The following PTPRD variants were observed in gnomAD, a reference collection of about 807,000 sequenced individuals.
The protein encoded by PTPRD is protein tyrosine phosphatase receptor type D, also known as receptor-type tyrosine-protein phosphatase delta.
In PTPRD, 34 loss-of-function variants were observed where a neutral mutation model predicts 214.5. The observed-to-expected ratio is 0.16, with a 90% CI of 0.12 to 0.21. The LOEUF (loss-of-function observed/expected upper bound fraction) is 0.21. PTPRD is among the 10% of genes least tolerant of loss of function. The pLI is 1.00. For synonymous variants in PTPRD, 1,128 were observed against 845.7 expected (o/e 1.33, Z -5.79); for missense variants, 2,545 against 2,398.7 (o/e 1.06, Z -1.27).
chr9:10,217,082 C>T (rs890052097), intron 3 of PTPRD, among the ~76,000 whole-genome samples: 1 of 151,906 alleles, frequency 6.6e-6, no homozygotes, highest in Non-Finnish European at 1.5e-5. Flanking sequence ...TTACTTGACT[C>T]TTCTGTTCCT....
At chr9:8,926,404 C>T (rs2098893444) in intron 11 of PTPRD, among the ~76,000 whole-genome samples, 1 of 152,112 alleles carries the variant, frequency 6.6e-6, no homozygotes, top group Admixed American at 6.6e-5. Flanking sequence ...GTCCTAGGCA[C>T]TGTGATAGCA....
intron 6 of PTPRD, among the ~76,000 whole-genome samples, chr9:9,750,487 C>G (rs904566792): frequency 6.6e-6 from 1 of 152,178 alleles, no homozygotes; most frequent in East Asian, 1.9e-4. Context: ...TTGTTTAACC[C>G]AGTTCTGCAC....
chr9:9,777,890 C>T (rs1028947548), intron 5 of PTPRD, among the ~76,000 whole-genome samples: 1 of 152,074 alleles, frequency 6.6e-6, no homozygotes, highest in African/African-American at 2.4e-5. Flanking sequence ...ACAATTACCC[C>T]AAATGGGTTT....
intron 2 of PTPRD, among the ~76,000 whole-genome samples, chr9:10,416,020 A>G (rs1194680001): frequency 1.3e-5 from 2 of 151,766 alleles, no homozygotes; most frequent in Non-Finnish European, 2.9e-5. Context: ...GACAACAGAG[A>G]CATTTTTTTC....
chr9:10,534,979 C>T (rs2134944818), intron 2 of PTPRD, among the ~76,000 whole-genome samples: 2 of 152,234 alleles, frequency 1.3e-5, no homozygotes, highest in South Asian at 4.1e-4. Flanking sequence ...AGGCAGTCAG[C>T]CTTTTATCGC....
chr9:9,220,820 G>C (rs1453982690), intron 9 of PTPRD, among the ~76,000 whole-genome samples: 1 of 152,064 alleles, frequency 6.6e-6, no homozygotes, highest in East Asian at 1.9e-4. Context: ...TAATTCAAAA[G>C]ATAATCCTTA....
intron 5 of PTPRD, among the ~76,000 whole-genome samples, chr9:9,827,258 C>A (rs1000330164): frequency 3.3e-5 from 5 of 151,992 alleles, no homozygotes; most frequent in African/African-American, 7.2e-5. Flanking sequence ...CTCAAACTAT[C>A]CTACAAGGCT....
At chr9:8,677,103 C>T (rs1414032696) in intron 12 of PTPRD, among the ~76,000 whole-genome samples, 2 of 152,172 alleles carry the variant, frequency 1.3e-5, no homozygotes, top group African/African-American at 4.8e-5. Flanking sequence ...GGATGTTGCA[C>T]TTTAATAAAA....
intron 9 of PTPRD, among the ~76,000 whole-genome samples, chr9:9,314,805 ACT>A (rs1417215291): frequency 2.0e-5 from 3 of 151,974 alleles, no homozygotes; most frequent in Admixed American, 2.0e-4. Flanking sequence ...AGAGCTATTT[ACT>A]CTGTTTTATT....
At chr9:8,816,159 T>C (rs138609350) in intron 11 of PTPRD, among the ~76,000 whole-genome samples, 3 of 152,322 alleles carry the variant, frequency 2.0e-5, no homozygotes, top group African/African-American at 7.2e-5. Context: ...GGACAAATTA[T>C]TGATAAATTG....
At chr9:9,911,528 C>G (rs10816225) in intron 5 of PTPRD, among the ~76,000 whole-genome samples, 23,245 of 150,862 alleles carry the variant, frequency 0.15, 1,812 homozygotes, top group Middle Eastern at 0.21. Context: ...AGTTATACTG[C>G]TAAAATAAAA....
chr9:10,136,138 C>G (rs908642327), intron 3 of PTPRD, among the ~76,000 whole-genome samples: 1 of 151,580 alleles, frequency 6.6e-6, no homozygotes, highest in African/African-American at 2.4e-5. Flanking sequence ...AAGGACAGAG[C>G]AAGACATTAC....
At chr9:8,946,761 G>C (rs940105658) in intron 11 of PTPRD, among the ~76,000 whole-genome samples, 22 of 152,246 alleles carry the variant, frequency 1.4e-4, no homozygotes, top group African/African-American at 4.8e-4. Flanking sequence ...AAAGTATCAT[G>C]CAGGGTCTTC....
chr9:9,040,384 C>A (rs987237230), intron 10 of PTPRD, among the ~76,000 whole-genome samples: 1 of 152,166 alleles, frequency 6.6e-6, no homozygotes, highest in Non-Finnish European at 1.5e-5. Flanking sequence ...CCAAGGTGTA[C>A]TGTTGTTCTT....
rs761397613 is a variant in PTPRD at position 8,507,310 on chromosome 9, A to C, written c.1668T>G (p.His556Gln). The stretch of plus-strand genomic sequence containing the variant: ...AGCACTATAGTCTTACCTCCTCTCC[A>C]TGCTCCCCATCTTTGTAGACCAGTT... ...NYELVYKDGEHGEEQRITIEP... is the reference protein window; with the variant it reads ...NYELVYKDGEQGEEQRITIEP... Residue 556 changes from histidine to glutamine, a missense_variant, in exon 22 of 46, where the codon CAT (histidine) becomes CAG (glutamine). Coordinates refer to ENST00000381196, the MANE Select transcript of PTPRD (RefSeq NM_002839.4). 1 of 1,613,810 alleles carries C rather than the reference A, an allele frequency of 6.2e-7. No individual in the cohort carries two copies. The highest frequency in any genetic ancestry group is 1.1e-5 in the South Asian group (1 of 91,066).
intron 11 of PTPRD, among the ~76,000 whole-genome samples, chr9:8,840,193 T>C (rs948636969): frequency 6.6e-6 from 1 of 152,184 alleles, no homozygotes; most frequent in Non-Finnish European, 1.5e-5. Flanking sequence ...TTTGATATGG[T>C]TTGGCTATGT....
intron 2 of PTPRD, among the ~76,000 whole-genome samples, chr9:10,347,952 G>T (rs2097116246): frequency 2.0e-5 from 3 of 151,974 alleles, no homozygotes; most frequent in Admixed American, 6.6e-5. Flanking sequence ...TGCTATTCAG[G>T]AGGCTGAGGC....
intron 7 of PTPRD, among the ~76,000 whole-genome samples, chr9:9,635,054 T>A (rs1326762): frequency 0.18 from 26,882 of 152,114 alleles, 2,726 homozygotes; most frequent in African/African-American, 0.27. Context: ...GTTTGAGCAA[T>A]AGGACATATC....
intron 2 of PTPRD, among the ~76,000 whole-genome samples, chr9:10,387,644 T>C (rs1379399103): frequency 1.3e-5 from 2 of 151,700 alleles, no homozygotes; most frequent in Non-Finnish European, 2.9e-5. Flanking sequence ...AAACCATACT[T>C]TGTGTCATTG....
Sources: gnomAD v4.1 joint callset for allele counts (sites outside exome capture counted in the v4.1 genomes callset) on GRCh38, gnomAD v4.1.1 for gene constraint, MANE v1.5 for transcripts, NCBI Gene and HGNC (gene_info 2026-07-23, HGNC 2026-07-21) for gene names.